Variants in CUBN observed in about 807,000 individuals in gnomAD.
The protein encoded by CUBN is cubilin.
A neutral mutation model predicts 405.3 loss-of-function variants in CUBN; 282 were observed. The observed-to-expected ratio is 0.70, with a 90% CI of 0.63 to 0.77. The LOEUF is 0.77. Among genes scored for constraint, CUBN ranks in the 30% least tolerant of loss-of-function variants. The pLI, the probability that CUBN is intolerant of heterozygous loss-of-function variation, is 0.00. For missense variants in CUBN, 4,514 were observed against 4,475.2 expected (o/e 1.01, Z -0.25); for synonymous variants, 1,684 against 1,617.0 (o/e 1.04, Z -0.99).
At chr10:17,100,451 T>A (rs998586632) in intron 13 of CUBN, among the ~76,000 whole-genome samples, 1 of 152,082 alleles carries the variant, frequency 6.6e-6, no homozygotes, top group South Asian at 2.1e-4. Flanking sequence ...TCAAAATATA[T>A]CAAAAAATCT....
chr10:17,108,335 C>T (rs1775048648), intron 10 of CUBN, among the ~76,000 whole-genome samples: 1 of 151,986 alleles, frequency 6.6e-6, no homozygotes, highest in African/African-American at 2.4e-5. Flanking sequence ...CTCCTAACCA[C>T]TTTGGTATGT....
chr10:16,847,174 C>T (rs903416389), intron 60 of CUBN, among the ~76,000 whole-genome samples: 6 of 151,900 alleles, frequency 3.9e-5, no homozygotes, highest in Admixed American at 2.0e-4. Context: ...TGTGTTTGGC[C>T]GGGCGTGGTG....
chr10:16,901,397 A>T lies in CUBN; in HGVS notation c.8125T>A (p.Tyr2709Asn), dbSNP rs758182345. ...VITSPNYPNAYDSLTHCSSLL... is the reference protein window; with the variant it reads ...VITSPNYPNANDSLTHCSSLL... ...GAAGAGCAGTGGGTCAGGCTGTCAT[A>T]AGCATTTGGATAGTTGGGGCTTGTG... The change falls in exon 52 of 67, where the codon TAT becomes AAT. Residue 2709 changes from tyrosine to asparagine, a missense_variant. Tyr to Asn is a moderately radical substitution (Grantham distance 143). Around this residue, in one of 5 missense-constraint regions of CUBN, gnomAD observed 1,186 missense variants for 1,186.9 expected, o/e 1.00. Transcript: ENST00000377833. 3 of 1,614,186 alleles carry T rather than the reference A, an allele frequency of 1.9e-6. No homozygotes were observed. Among genetic ancestry groups the T allele is most frequent in the Non-Finnish European group, 2.5e-6 (3 of 1,180,016 alleles).
rs1237229093 is a variant in CUBN, at chr10:16,899,110, G to A, written c.8484C>T (p.Asn2828=). The A allele has an allele frequency of 6.2e-7, 1 of 1,613,820 alleles. No individual in the cohort carries two copies. The highest frequency in any genetic ancestry group is 1.3e-5 in the African/African-American group (1 of 75,032). Residue 2828 remains asparagine (N), a synonymous_variant, in exon 54 of 67, where the codon AAC becomes AAT. Transcript: ENST00000377833. ...TAATGGCCGTCCAGGAACATCTGCTGTTTTCGGGAAAATTCTGAGGCCAGT... is the reference window on the plus strand; with the variant it reads ...TAATGGCCGTCCAGGAACATCTGCTATTTTCGGGAAAATTCTGAGGCCAGT... ...SPHWPQNFPE[N]SRCSWTAITH...
intron 43 of CUBN, among the ~76,000 whole-genome samples, chr10:16,922,871 A>T (rs1249822371): frequency 4.1e-5 from 6 of 144,614 alleles, no homozygotes; most frequent in Non-Finnish European, 9.0e-5. Context: ...TTCCTTTGAG[A>T]CAGGGTCTCG....
At chr10:16,925,107 C>G (rs935047763) in intron 43 of CUBN, 134 bp downstream of exon 43, 1 of 676,154 alleles carries the variant, frequency 1.5e-6, no homozygotes, top group Non-Finnish European at 2.6e-6. Flanking sequence ...TTGAATGTAT[C>G]AAATATAATA....
chr10:16,862,332 T>C (rs1840044853), intron 59 of CUBN, among the ~76,000 whole-genome samples: 1 of 152,108 alleles, frequency 6.6e-6, no homozygotes, highest in Non-Finnish European at 1.5e-5. Context: ...CACAGACAAA[T>C]TACTTAATCT....
intron 59 of CUBN, among the ~76,000 whole-genome samples, chr10:16,865,524 C>T (rs1840156245): frequency 6.6e-6 from 1 of 152,080 alleles, no homozygotes; most frequent in South Asian, 2.1e-4. Flanking sequence ...GCCAGTTGGA[C>T]TTCCTGGGTC....
chr10:16,865,354 C>G (rs940436781), intron 59 of CUBN, among the ~76,000 whole-genome samples: 7 of 152,112 alleles, frequency 4.6e-5, no homozygotes, highest in African/African-American at 1.7e-4. Context: ...GCCTTGGTCT[C>G]TTAGCAAAGG....
In CUBN at chr10:17,004,674, C is replaced by CTTTT. The variant is rs10637688; in HGVS notation, c.4169-14163_4169-14160dup. Among the ~76,000 whole-genome samples, 725 of 141,128 alleles carry CTTTT rather than the reference C, an allele frequency of 5.1e-3. 8 individuals are homozygous for CTTTT. The highest frequency in any genetic ancestry group is 7.4e-3 in the Middle Eastern group (2 of 270). 92.6% of individuals were successfully genotyped at this position (141,128 alleles called of 152,430 possible). ...TGCCCATCCTACCTTCTAAATAGCTCTTTTTTTTTTTTTTTAGCAGAATCT... is the reference window on the plus strand; with the variant it reads ...TGCCCATCCTACCTTCTAAATAGCTCTTTTTTTTTTTTTTTTTTTAGCAGAATCT... On this transcript the variant is annotated intron_variant, in intron 28 of 66. Coordinates refer to ENST00000377833, the MANE Select transcript of CUBN (RefSeq NM_001081.4).
chr10:17,020,155 ATAGAGAGGGTAT>A (rs1340038476), intron 27 of CUBN, among the ~76,000 whole-genome samples, 172 bp from the exon 28 acceptor site: 2 of 152,190 alleles, frequency 1.3e-5, no homozygotes, highest in Admixed American at 1.3e-4. Flanking sequence ...TGATAATTGC[ATAGAGAGGGTAT>A]TAGAGATGGA....
intron 45 of CUBN, among the ~76,000 whole-genome samples, chr10:16,916,388 C>T (rs77500519): frequency 4.8e-4 from 73 of 152,316 alleles, no homozygotes; most frequent in African/African-American, 1.6e-3. Context: ...GCTGATCTGG[C>T]CTGCCTAGTA....
intron 31 of CUBN, 119 bp from the exon 32 acceptor site, chr10:16,954,667 G>C (rs1028745897): frequency 6.3e-6 from 7 of 1,114,718 alleles, no homozygotes; most frequent in African/African-American, 1.5e-5. Context: ...TGGATCTAGG[G>C]AAACTGGCTT....
rs1410311069 is a variant in CUBN, at chr10:16,907,696, T to C, written c.7534-17A>G. ...ATTGAATACCTGTTGGAAAAAGAGT[T>C]TAACCTTCAGGCACACAATCCATCT... On this transcript the variant is annotated splice_polypyrimidine_tract_variant and intron_variant, in intron 48 of 66. Coordinates refer to ENST00000377833, the MANE Select transcript of CUBN (RefSeq NM_001081.4). 1 of 1,611,420 alleles carries C rather than the reference T, an allele frequency of 6.2e-7. No individual in the cohort carries two copies. The highest frequency in any genetic ancestry group is 8.5e-7 in the Non-Finnish European group (1 of 1,179,524).
intron 59 of CUBN, among the ~76,000 whole-genome samples, chr10:16,868,767 A>G (rs531847244): frequency 1.3e-5 from 2 of 152,134 alleles, no homozygotes; most frequent in African/African-American, 4.8e-5. Context: ...AACTTTACCT[A>G]CCCCCGCTAC....
Position 16,890,488 on chromosome 10 carries a change from C to T in CUBN, c.8638G>A (p.Ala2880Thr). 1.2e-6 allele frequency: 2 copies of T among 1,614,174 alleles called. No homozygotes were observed. Among genetic ancestry groups the T allele is most frequent in the South Asian group, 2.2e-5 (2 of 91,078 alleles). The stretch of plus-strand genomic sequence containing the variant: ...GGAGCCACGTTCCCACAGCCAGTGG[C>T]TAGCAGGGCTTTGTCCACCTCCTCA... Reference protein sequence around the residue: ...GTEEVDKALLATGCGNVAPGP... With the variant: ...GTEEVDKALLTTGCGNVAPGP... The change falls in exon 55 of 67, where the codon GCC (alanine) becomes ACC (threonine). Residue 2880 changes from alanine (A) to threonine (T), a missense_variant. Coordinates refer to ENST00000377833, the MANE Select transcript of CUBN (RefSeq NM_001081.4).
At position 17,045,148 on chromosome 10, in the gene CUBN, T is replaced by G. The variant is rs573819519; in HGVS notation, c.3531A>C (p.Ile1177=). The G allele has an allele frequency of 6.2e-7, 1 of 1,613,856 alleles. No individual in the cohort carries two copies. The highest frequency in any genetic ancestry group is 1.1e-5 in the South Asian group (1 of 91,072). Residue 1177 remains isoleucine, a synonymous_variant, in exon 25 of 67, where the codon ATA becomes ATC. Coordinates refer to ENST00000377833, the MANE Select transcript of CUBN (RefSeq NM_001081.4). ...AATAGGGCATCGGGTAGTTGGGAGA[T>G]ATGAACGTGCCGCTTGAAGTGGTGA... ...GNLTTSSGTF[I]SPNYPMPYYH... is the part of the protein sequence containing the mutation.
intron 31 of CUBN, among the ~76,000 whole-genome samples, chr10:16,972,522 C>T (rs1430190487): frequency 6.6e-6 from 1 of 151,570 alleles, no homozygotes; most frequent in South Asian, 2.1e-4. Flanking sequence ...ACCGCAGCCT[C>T]GACCTCCCAT....
intron 59 of CUBN, among the ~76,000 whole-genome samples, chr10:16,853,696 C>G (rs936002375): frequency 1.3e-5 from 2 of 152,178 alleles, no homozygotes; most frequent in Non-Finnish European, 2.9e-5. Context: ...GAAACGTAAG[C>G]AATACGCAGT....
Sources: allele counts gnomAD v4.1 joint callset (sites outside exome capture counted in the v4.1 genomes callset), GRCh38; gene constraint gnomAD v4.1.1; regional missense constraint gnomAD v4.1.1; transcripts MANE v1.5; gene names NCBI Gene and HGNC (gene_info 2026-07-23, HGNC 2026-07-21).